Variants in BICC1 observed in about 807,000 individuals in gnomAD.
BICC1 encodes the protein BicC family RNA binding protein 1, also known as protein bicaudal C homolog 1.
In BICC1, 43 loss-of-function variants were observed where a neutral mutation model predicts 111.0. The ratio of observed to expected loss-of-function variants is 0.39; its 90% CI spans 0.30 to 0.50. The LOEUF is 0.50. BICC1 is among the 20% of genes least tolerant of loss of function. The probability of loss-of-function intolerance (pLI) is 0.88; values close to 1 mark genes in which losing one functional copy is unlikely to be tolerated. For missense variants in BICC1, 1,091 were observed against 1,203.2 expected (o/e 0.91, Z 1.38); for synonymous variants, 467 against 434.4 (o/e 1.07, Z -0.93).
chr10:58,587,075 G>A (rs1321614973), intron 1 of BICC1, among the ~76,000 whole-genome samples: 2 of 152,140 alleles, frequency 1.3e-5, no homozygotes, highest in Admixed American at 6.5e-5. Flanking sequence ...TGCCACGTAT[G>A]TCTCATATAT....
At chr10:58,574,918 G>C (rs1172871276) in intron 1 of BICC1, among the ~76,000 whole-genome samples, 1 of 151,890 alleles carries the variant, frequency 6.6e-6, no homozygotes, top group African/African-American at 2.4e-5. Flanking sequence ...TCACTCTTCA[G>C]GTAGCCTCTG....
intron 3 of BICC1, among the ~76,000 whole-genome samples, chr10:58,709,448 G>T (rs1840504171): frequency 6.6e-6 from 1 of 152,202 alleles, no homozygotes; most frequent in Non-Finnish European, 1.5e-5. Context: ...GGATGACAAA[G>T]GTTGTAGAAC....
intron 8 of BICC1, among the ~76,000 whole-genome samples, chr10:58,790,249 C>G (rs1191878611): frequency 1.3e-5 from 2 of 150,788 alleles, no homozygotes; most frequent in Non-Finnish European, 2.9e-5. Context: ...TTCATCTGAC[C>G]TGTAATATTA....
At chr10:58,814,150 C>T (rs1269919701) in intron 18 of BICC1, 164 bp downstream of exon 18, 3 of 791,466 alleles carry the variant, frequency 3.8e-6, no homozygotes, top group Non-Finnish European at 6.5e-6. Flanking sequence ...TGAAGCAGGC[C>T]ACCTGGTTCT....
At position 58,733,308 on chromosome 10, in the gene BICC1, C is replaced by T. The variant is rs1191369430; in HGVS notation, c.307+31165C>T. On this transcript the variant is annotated intron_variant, in intron 3 of 20. Coordinates refer to ENST00000373886, the MANE Select transcript of BICC1 (RefSeq NM_001080512.3). The stretch of plus-strand genomic sequence containing the variant: ...TGAGTGAATGAATAATGAATGGAAG[C>T]GTTTGTGATTATGTGAGCTTTAACA... Among the ~76,000 whole-genome samples the T allele has an allele frequency of 2.6e-5, 4 of 152,154 alleles. 1 individual carries two copies. In the South Asian group the frequency reaches 6.2e-4, roughly 24 times the overall value.
chr10:58,685,592 T>G (rs1564552736), intron 2 of BICC1, among the ~76,000 whole-genome samples: 1 of 152,236 alleles, frequency 6.6e-6, no homozygotes, highest in Non-Finnish European at 1.5e-5. Context: ...TAGCTCTTCT[T>G]GTGGAATTGA....
chr10:58,536,843 G>A (rs1234932322), intron 1 of BICC1, among the ~76,000 whole-genome samples: 3 of 151,556 alleles, frequency 2.0e-5, no homozygotes, highest in African/African-American at 7.3e-5. Context: ...ATTCAGATAA[G>A]CTCAATTAGA....
Position 58,588,802 on chromosome 10 carries a change from G to A in BICC1, c.191-32053G>A, listed in dbSNP as rs553014968. Among the ~76,000 whole-genome samples, 10 of 152,262 alleles carry A rather than the reference G, an allele frequency of 6.6e-5. No individual in the cohort carries two copies. The East Asian group carries it at 1.9e-3, about 29-fold the overall frequency. ...CCAGGCCCCAGGCTAAGCACACTGCGTGAAGGAGCACATTTGATTTTCATG... is the reference window on the plus strand; with the variant it reads ...CCAGGCCCCAGGCTAAGCACACTGCATGAAGGAGCACATTTGATTTTCATG... On this transcript the variant is annotated intron_variant, in intron 1 of 20. Coordinates refer to ENST00000373886, the MANE Select transcript of BICC1 (RefSeq NM_001080512.3).
chr10:58,824,217 T>A, intron 20 of BICC1: 1 of 448,236 alleles, frequency 2.2e-6, no homozygotes, highest in Non-Finnish European at 3.0e-6. Context: ...CATGTGAGGT[T>A]TCACCTCTGT....
At chr10:58,516,167 T>C (rs1000661114) in intron 1 of BICC1, among the ~76,000 whole-genome samples, 1 of 150,524 alleles carries the variant, frequency 6.6e-6, no homozygotes, top group African/African-American at 2.5e-5. Flanking sequence ...TGACTTAAAA[T>C]AGGTACAGGT....
chr10:58,589,002 G>A (rs1000929061), intron 1 of BICC1, among the ~76,000 whole-genome samples: 6 of 152,122 alleles, frequency 3.9e-5, no homozygotes, highest in African/African-American at 1.4e-4. Flanking sequence ...GGTCACCCTA[G>A]TCCCTGTGAC....
At chr10:58,769,110 T>C (rs1296797616) in intron 3 of BICC1, among the ~76,000 whole-genome samples, 1 of 151,374 alleles carries the variant, frequency 6.6e-6, no homozygotes, top group Non-Finnish European at 1.5e-5. Context: ...AAACAGAGAG[T>C]AGAATTGTAC....
At chr10:58,799,866 G>GT (rs1385775279) in intron 12 of BICC1, among the ~76,000 whole-genome samples, 1 of 152,084 alleles carries the variant, frequency 6.6e-6, no homozygotes. Context: ...TTTTAGAATA[G>GT]TTTTTTCTAT....
At chr10:58,814,762 C>T (rs1844032764) in intron 18 of BICC1, among the ~76,000 whole-genome samples, 1 of 151,760 alleles carries the variant, frequency 6.6e-6, no homozygotes, top group East Asian at 1.9e-4. Context: ...AACCACTGCA[C>T]TACAGCCTGG....
chr10:58,681,512 G>C (rs1377385481), intron 2 of BICC1, among the ~76,000 whole-genome samples: 1 of 152,212 alleles, frequency 6.6e-6, no homozygotes, highest in Non-Finnish European at 1.5e-5. Context: ...GCAGATGCTG[G>C]AGAGGATGTG....
intron 2 of BICC1, among the ~76,000 whole-genome samples, chr10:58,676,895 A>T (rs1325828841): frequency 1.3e-5 from 2 of 152,206 alleles, no homozygotes; most frequent in Non-Finnish European, 2.9e-5. Flanking sequence ...CGCTGGTGAT[A>T]TCGAGGCAAA....
intron 8 of BICC1, among the ~76,000 whole-genome samples, chr10:58,791,839 T>C (rs1843188740): frequency 1.3e-5 from 2 of 152,200 alleles, no homozygotes; most frequent in African/African-American, 4.8e-5. Flanking sequence ...TTGCTCAGGC[T>C]GGAGTGTAGT....
chr10:58,797,330 A>T (rs1226024450), intron 10 of BICC1, among the ~76,000 whole-genome samples: 1 of 151,992 alleles, frequency 6.6e-6, no homozygotes, highest in Non-Finnish European at 1.5e-5. Context: ...AGTCTTTAAA[A>T]TTTTTTTTCC....
chr10:58,559,285 A>G (rs1400432701), intron 1 of BICC1, among the ~76,000 whole-genome samples: 1 of 152,082 alleles, frequency 6.6e-6, no homozygotes, highest in East Asian at 1.9e-4. Context: ...GAACTGAAAA[A>G]TGGTAGCATG....
Sources: allele counts gnomAD v4.1 joint callset (sites outside exome capture counted in the v4.1 genomes callset), GRCh38; gene constraint gnomAD v4.1.1; transcripts MANE v1.5; gene names NCBI Gene and HGNC (gene_info 2026-07-23, HGNC 2026-07-21).